Variants in PTGER3 observed in about 807,000 individuals in gnomAD.
The protein encoded by PTGER3 is prostaglandin E2 receptor EP3 subtype.
A neutral mutation model predicts 34.7 loss-of-function variants in PTGER3; 22 were observed. The ratio of observed to expected loss-of-function variants is 0.63; its 90% CI spans 0.45 to 0.91. PTGER3 has a LOEUF of 0.91. Among genes scored for constraint, PTGER3 ranks in the 40% least tolerant of loss-of-function variants. The pLI is 0.00. For missense variants in PTGER3, 468 were observed against 519.4 expected, an observed-to-expected ratio of 0.90 and a Z score of 0.96; for synonymous variants, 241 against 230.1, an observed-to-expected ratio of 1.05 and a Z score of -0.43.
chr1:71,009,254 A>G (rs1657236484), intron 2 of PTGER3: 1 of 985,166 alleles, frequency 1.0e-6, no homozygotes, highest in Non-Finnish European at 1.2e-6. Context: ...AGGATCTTTC[A>G]TAGTTAACTT....
At chr1:70,880,513 A>T (rs990261425) in intron 4 of PTGER3, among the ~76,000 whole-genome samples, 3 of 151,556 alleles carry the variant, frequency 2.0e-5, no homozygotes, top group African/African-American at 7.3e-5. Flanking sequence ...AACATGGTGA[A>T]ACCCCATCTC....
chr1:70,969,390 A>G (rs903893629), downstream of PTGER3, among the ~76,000 whole-genome samples: 17 of 152,192 alleles, frequency 1.1e-4, no homozygotes, highest in African/African-American at 3.9e-4. Context: ...ACCTTCGCTG[A>G]TAATTTACTT....
intron 2 of PTGER3, chr1:71,006,826 G>T: frequency 1.0e-6 from 1 of 985,366 alleles, no homozygotes; most frequent in South Asian, 4.7e-5. Context: ...TATTCCTGAC[G>T]TGAGTTGACA....
chr1:70,987,193 T>C (rs1320805971), intron 2 of PTGER3, among the ~76,000 whole-genome samples: 2 of 152,164 alleles, frequency 1.3e-5, no homozygotes, highest in African/African-American at 4.8e-5. Context: ...CTTTTCCAGT[T>C]TGATGTATTA....
Position 70,970,828 on chromosome 1 carries a change from G to T in PTGER3, c.*902C>A. On this transcript the variant is annotated 3_prime_UTR_variant, in exon 4 of 4. Transcript: ENST00000306666. ...TTTTTATTTTAATACAGACAAAATA[G>T]ATTCTTTTATTTTATAAAAACGTAA... 1.1e-6 allele frequency: 1 copy of T among 899,818 alleles called. No homozygotes were observed. The highest frequency in any genetic ancestry group is 1.2e-4 in the East Asian group (1 of 8,380). 55.7% of individuals were successfully genotyped at this position (899,818 alleles called of 1,614,324 possible). A position where few individuals can be genotyped will look rare whatever the true frequency, so the allele number is the denominator to read the frequency against.
At chr1:70,964,135 C>T (rs929757011) in intron 2 of PTGER3, among the ~76,000 whole-genome samples, 7 of 152,158 alleles carry the variant, frequency 4.6e-5, no homozygotes, top group Non-Finnish European at 4.4e-5. Context: ...CATTTTGCTC[C>T]AAGCCATTCA....
intron 1 of PTGER3, among the ~76,000 whole-genome samples, chr1:71,013,702 CAAA>C (rs111381892): frequency 4.7e-5 from 5 of 105,544 alleles, no homozygotes; most frequent in Admixed American, 1.0e-4. Flanking sequence ...AACTCTGTCT[CAAA>C]AAAAAAAAAA....
intron 2 of PTGER3, among the ~76,000 whole-genome samples, chr1:70,986,080 T>G (rs1000404243): frequency 6.6e-6 from 1 of 152,080 alleles, no homozygotes; most frequent in African/African-American, 2.4e-5. Flanking sequence ...ACAAGAGTGA[T>G]CTCAGGTCAT....
At chr1:71,046,319 A>AG (rs1660810482) in intron 1 of PTGER3, among the ~76,000 whole-genome samples, 1 of 149,688 alleles carries the variant, frequency 6.7e-6, no homozygotes, top group Non-Finnish European at 1.5e-5. Flanking sequence ...CCACAATATC[A>AG]GGCTACAGTT....
chr1:71,006,192 T>C (rs12130153), intron 2 of PTGER3: 386,409 of 984,238 alleles, frequency 0.39, 77,903 homozygotes, highest in South Asian at 0.45. Context: ...ATCAAGATTG[T>C]AGAGACAATA....
intron 4 of PTGER3, among the ~76,000 whole-genome samples, chr1:70,910,071 T>C (rs1378056838): frequency 6.6e-6 from 1 of 152,234 alleles, no homozygotes; most frequent in Non-Finnish European, 1.5e-5. Flanking sequence ...CATTGCATGT[T>C]ACTATTGCTA....
intron 4 of PTGER3, chr1:70,865,749 G>A: frequency 2.9e-6 from 4 of 1,366,980 alleles, no homozygotes; most frequent in Non-Finnish European, 3.9e-6. Flanking sequence ...GACATGGCGG[G>A]AAAGGACAAA....
chr1:70,921,296 G>A (rs1296853783), intron 4 of PTGER3, among the ~76,000 whole-genome samples: 1 of 152,128 alleles, frequency 6.6e-6, no homozygotes, highest in Non-Finnish European at 1.5e-5. Context: ...GTGGCCGCCC[G>A]AACTTTTCAG....
chr1:70,875,127 G>A (rs1172769048), intron 4 of PTGER3, among the ~76,000 whole-genome samples: 1 of 152,128 alleles, frequency 6.6e-6, no homozygotes, highest in African/African-American at 2.4e-5. Context: ...CAGAAATACT[G>A]GTTGCAAAAA....
intron 1 of PTGER3, among the ~76,000 whole-genome samples, chr1:71,026,637 A>C (rs1343880548): frequency 6.6e-6 from 1 of 150,888 alleles, no homozygotes; most frequent in Non-Finnish European, 1.5e-5. Flanking sequence ...TTAATACTAT[A>C]TTATTACTAA....
At chr1:70,996,990 G>A (rs975238147) in intron 2 of PTGER3, among the ~76,000 whole-genome samples, 1 of 152,132 alleles carries the variant, frequency 6.6e-6, no homozygotes, top group African/African-American at 2.4e-5. Context: ...TATATTTCTT[G>A]GCTGGGCGTG....
At chr1:70,902,440 A>G (rs1646860076) in intron 4 of PTGER3, among the ~76,000 whole-genome samples, 1 of 152,230 alleles carries the variant, frequency 6.6e-6, no homozygotes, top group Non-Finnish European at 1.5e-5. Context: ...CACTATCTGT[A>G]TCTTGAAGAC....
intron 4 of PTGER3, among the ~76,000 whole-genome samples, chr1:70,919,696 T>TG (rs1427259077): frequency 6.6e-6 from 1 of 152,118 alleles, no homozygotes; most frequent in East Asian, 1.9e-4. Context: ...TTACTACAAC[T>TG]GGGGGATAAA....
At chr1:70,999,868 T>G (rs1011847090) in intron 2 of PTGER3, among the ~76,000 whole-genome samples, 2 of 152,242 alleles carry the variant, frequency 1.3e-5, no homozygotes, top group Non-Finnish European at 2.9e-5. Flanking sequence ...AACCATCTGC[T>G]GCCAGGAAAC....
Sources: allele counts gnomAD v4.1 joint callset (sites outside exome capture counted in the v4.1 genomes callset), GRCh38; gene constraint gnomAD v4.1.1; transcripts MANE v1.5; gene names NCBI Gene and HGNC (gene_info 2026-07-23, HGNC 2026-07-21).